Variants in CACNA2D1 observed in about 807,000 individuals in gnomAD.
The protein encoded by CACNA2D1 is calcium voltage-gated channel auxiliary subunit alpha2delta 1.
CACNA2D1 carries 53 observed loss-of-function variants against 171.5 expected under a neutral mutation model. The observed-to-expected ratio is 0.31, with a 90% CI of 0.25 to 0.39. The LOEUF is 0.39. CACNA2D1 is among the 10% of genes least tolerant of loss of function. CACNA2D1 has a pLI of 1.00. For missense variants in CACNA2D1, 903 were observed against 1,299.8 expected (o/e 0.69, Z 4.69); for synonymous variants, 442 against 443.1 (o/e 1.00, Z 0.03).
chr7:82,386,195 T>C (rs1585753228), intron 1 of CACNA2D1, among the ~76,000 whole-genome samples: 1 of 152,224 alleles, frequency 6.6e-6, no homozygotes, highest in South Asian at 2.1e-4. Context: ...CTGCAATAAC[T>C]GCATTCAGCA....
At chr7:82,174,406 A>C (rs1447187127) in intron 3 of CACNA2D1, among the ~76,000 whole-genome samples, 2 of 152,110 alleles carry the variant, frequency 1.3e-5, no homozygotes, top group African/African-American at 4.8e-5. Context: ...TTTGGATATC[A>C]AATAAGTATT....
In CACNA2D1 at chr7:81,982,616, G is replaced by C. The variant is rs1218084026; in HGVS notation, c.1906C>G (p.Leu636Val). The C allele has an allele frequency of 1.9e-6, 3 of 1,602,546 alleles. No individual in the cohort carries two copies. The highest frequency in any genetic ancestry group is 1.3e-5 in the African/African-American group (1 of 74,656). Residue 636 changes from leucine (L) to valine (V), a missense_variant, in exon 24 of 39, where the codon CTG (leucine) becomes GTG (valine). Coordinates refer to ENST00000356860, the MANE Select transcript of CACNA2D1 (RefSeq NM_000722.4). The stretch of plus-strand genomic sequence containing the variant: ...GATTCTTCAAAATTATCTGGCTTCA[G>C]GGTTTCCGAATCTGCAAAGATAATG... ...KKGKMKDSET[L>V]KPDNFEESGY...
intron 10 of CACNA2D1, among the ~76,000 whole-genome samples, chr7:82,057,186 A>C (rs1475699168): frequency 6.6e-6 from 1 of 152,224 alleles, no homozygotes; most frequent in East Asian, 1.9e-4. Flanking sequence ...AGTTAACCTC[A>C]CATTGGTAGC....
rs976080560 is a variant in CACNA2D1 at position 82,324,014 on chromosome 7, T to C, written c.294+11121A>G. On this transcript the variant is annotated intron_variant, in intron 3 of 38. Coordinates refer to ENST00000356860, the MANE Select transcript of CACNA2D1 (RefSeq NM_000722.4). ...CTCATTTAGTGCTGACACTACTCCA[T>C]GGAATGTGGGAGGAAAATGCACTCT... Among the ~76,000 whole-genome samples the C allele has an allele frequency of 5.3e-5, 8 of 152,116 alleles. No homozygotes were observed. The East Asian group carries it at 7.7e-4, about 15-fold the overall frequency.
At chr7:81,970,620 C>T in intron 27 of CACNA2D1, 55 bp downstream of exon 27, 1 of 936,578 alleles carries the variant, frequency 1.1e-6, no homozygotes, top group Non-Finnish European at 1.8e-6. Flanking sequence ...ATGTACAAAT[C>T]CTTGGCGCAG....
chr7:82,211,885 T>G (rs1346372757), intron 3 of CACNA2D1, among the ~76,000 whole-genome samples: 1 of 152,108 alleles, frequency 6.6e-6, no homozygotes, highest in Non-Finnish European at 1.5e-5. Context: ...TTGTTTTGTT[T>G]TGTTTTGTTT....
At chr7:82,122,006 T>A (rs976587709) in intron 5 of CACNA2D1, among the ~76,000 whole-genome samples, 3 of 152,102 alleles carry the variant, frequency 2.0e-5, no homozygotes, top group African/African-American at 7.2e-5. Flanking sequence ...AAGAAACAAT[T>A]CTAGTTTTTA....
In CACNA2D1 at chr7:81,948,674, C is replaced by T. The variant is rs1357994473; in HGVS notation, c.*1718G>A. 6.6e-6 allele frequency: 1 copy of T among 151,704 alleles called. No homozygotes were observed. The highest frequency in any genetic ancestry group is 1.5e-5 in the Non-Finnish European group (1 of 67,792). 9.4% of individuals were successfully genotyped at this position (151,704 alleles called of 1,614,324 possible). A position where few individuals can be genotyped will look rare whatever the true frequency, so the allele number is the denominator to read the frequency against. The stretch of plus-strand genomic sequence containing the variant: ...TTAAAAAGGATATGTAAGAAAATTT[C>T]CAGCATATACACATACCAGTAATTG... On this transcript the variant is annotated 3_prime_UTR_variant, in exon 39 of 39. Coordinates refer to ENST00000356860, the MANE Select transcript of CACNA2D1 (RefSeq NM_000722.4).
At chr7:82,411,354 T>C (rs1479577347) in intron 1 of CACNA2D1, among the ~76,000 whole-genome samples, 1 of 152,200 alleles carries the variant, frequency 6.6e-6, no homozygotes, top group African/African-American at 2.4e-5. Context: ...GCTCAATACT[T>C]CAGTGTCTTC....
At chr7:82,138,987 G>A (rs1261469590) in intron 4 of CACNA2D1, among the ~76,000 whole-genome samples, 1 of 152,038 alleles carries the variant, frequency 6.6e-6, no homozygotes, top group African/African-American at 2.4e-5. Flanking sequence ...TATATTAACA[G>A]AATGGGAACA....
rs1057510312 is a variant in CACNA2D1 at position 82,235,190 on chromosome 7, T to C, written c.295-64581A>G. ...ACAAAACAGTTGGAATGGTAAACTA[T>C]ACAAAGCAATAAACGTTTTGTTCAA... On this transcript the variant is annotated intron_variant, in intron 3 of 38. Coordinates refer to ENST00000356860, the MANE Select transcript of CACNA2D1 (RefSeq NM_000722.4). Among the ~76,000 whole-genome samples, 4 of 152,164 alleles carry C rather than the reference T, an allele frequency of 2.6e-5. 1 individual carries two copies. Among genetic ancestry groups the C allele is most frequent in the Admixed American group, 2.0e-4 (3 of 15,266 alleles).
At chr7:82,158,166 A>C (rs1206801697) in intron 4 of CACNA2D1, among the ~76,000 whole-genome samples, 2 of 151,974 alleles carry the variant, frequency 1.3e-5, no homozygotes, top group African/African-American at 2.4e-5. Context: ...CTTGCTTTGT[A>C]CAAACATATG....
At position 81,982,553 on chromosome 7, in the gene CACNA2D1, AC is replaced by A; in HGVS notation, c.1955+13del. On this transcript the variant is annotated intron_variant, in intron 24 of 38. Coordinates refer to ENST00000356860, the MANE Select transcript of CACNA2D1 (RefSeq NM_000722.4). ...TACTGATAGAAGATGTATCAAAAATACAACAAAACCAACCTTGGTGCTATGA... is the reference window on the plus strand; with the variant it reads ...TACTGATAGAAGATGTATCAAAAATAAACAAAACCAACCTTGGTGCTATGA... 1 of 1,545,074 alleles carries A rather than the reference AC, an allele frequency of 6.5e-7. No homozygotes were observed. Among genetic ancestry groups the A allele is most frequent in the Non-Finnish European group, 8.9e-7 (1 of 1,117,458 alleles).
chr7:82,064,709 T>C (rs1807393211), intron 8 of CACNA2D1, among the ~76,000 whole-genome samples: 1 of 152,140 alleles, frequency 6.6e-6, no homozygotes, highest in Non-Finnish European at 1.5e-5. Flanking sequence ...AAAAATAGAC[T>C]ATCATATTTT....
intron 25 of CACNA2D1, among the ~76,000 whole-genome samples, chr7:81,972,628 T>A (rs2130470681): frequency 6.6e-6 from 1 of 151,960 alleles, no homozygotes; most frequent in East Asian, 1.9e-4. Flanking sequence ...GTGATGAGGA[T>A]CAAAGGCCAA....
intron 32 of CACNA2D1, 75 bp downstream of exon 32, chr7:81,965,519 T>C: frequency 1.2e-6 from 1 of 818,934 alleles, no homozygotes; most frequent in Non-Finnish European, 2.2e-6. Context: ...TCTAAAACAC[T>C]GAAAGAGGTT....
At chr7:82,098,274 TTTTCA>T (rs1812173616) in intron 6 of CACNA2D1, among the ~76,000 whole-genome samples, 1 of 152,228 alleles carries the variant, frequency 6.6e-6, no homozygotes, top group Non-Finnish European at 1.5e-5. Flanking sequence ...TTTAACATTG[TTTTCA>T]TTTAACTAAA....
intron 3 of CACNA2D1, among the ~76,000 whole-genome samples, chr7:82,275,867 G>A (rs943352263): frequency 6.6e-6 from 1 of 152,174 alleles, no homozygotes; most frequent in Admixed American, 6.5e-5. Context: ...CTCTTAAAGA[G>A]TGAATAGGGC....
intron 1 of CACNA2D1, among the ~76,000 whole-genome samples, chr7:82,380,142 G>A (rs981200118): frequency 3.3e-5 from 5 of 152,064 alleles, no homozygotes; most frequent in African/African-American, 1.2e-4. Flanking sequence ...TATCCATGAA[G>A]CAGAAAGTTT....
Sources: gnomAD v4.1 joint callset for allele counts (sites outside exome capture counted in the v4.1 genomes callset) on GRCh38, gnomAD v4.1.1 for gene constraint, MANE v1.5 for transcripts, NCBI Gene and HGNC (gene_info 2026-07-23, HGNC 2026-07-21) for gene names.